The following RSPO3 variants were observed in gnomAD, a reference collection of about 807,000 sequenced individuals.
The protein encoded by RSPO3 is R-spondin-3.
A neutral mutation model predicts 36.5 loss-of-function variants in RSPO3; 17 were observed. The ratio of observed to expected loss-of-function variants is 0.47; its 90% CI spans 0.32 to 0.70. The LOEUF is 0.70. RSPO3 is among the 30% of genes least tolerant of loss of function. The probability of loss-of-function intolerance (pLI) is 0.04; values close to 1 mark genes in which losing one functional copy is unlikely to be tolerated. For missense variants in RSPO3, 294 were observed against 322.5 expected, an observed-to-expected ratio of 0.91 and a Z score of 0.68; for synonymous variants, 108 against 107.0, an observed-to-expected ratio of 1.01 and a Z score of -0.06.
chr6:127,191,893 T>C (rs1156844073), intron 4 of RSPO3, among the ~76,000 whole-genome samples: 1 of 152,192 alleles, frequency 6.6e-6, no homozygotes, highest in Admixed American at 6.5e-5. Context: ...CCCGTATATC[T>C]TTCCAGCTTC....
intron 4 of RSPO3, among the ~76,000 whole-genome samples, chr6:127,195,354 C>T (rs954055487): frequency 1.3e-5 from 2 of 152,028 alleles, no homozygotes; most frequent in Non-Finnish European, 2.9e-5. Flanking sequence ...TTTTTTATAG[C>T]GATAAGGTCT....
chr6:127,191,146 T>A (rs60017272), intron 4 of RSPO3, among the ~76,000 whole-genome samples: 1 of 152,174 alleles, frequency 6.6e-6, no homozygotes, highest in Non-Finnish European at 1.5e-5. Context: ...TATTCCAAAT[T>A]TATCTATTAA....
intron 4 of RSPO3, among the ~76,000 whole-genome samples, chr6:127,170,958 G>A (rs1774922858): frequency 6.6e-6 from 1 of 151,676 alleles, no homozygotes; most frequent in Non-Finnish European, 1.5e-5. Flanking sequence ...ATGGATGCTG[G>A]TGATGGCTAT....
At chr6:127,133,979 T>C (rs1040614442) in intron 1 of RSPO3, among the ~76,000 whole-genome samples, 4 of 152,150 alleles carry the variant, frequency 2.6e-5, no homozygotes, top group African/African-American at 9.7e-5. Flanking sequence ...GCACTTTAGA[T>C]ATCATTTCTA....
intron 4 of RSPO3, among the ~76,000 whole-genome samples, chr6:127,161,578 T>C (rs1774712237): frequency 6.6e-6 from 1 of 152,124 alleles, no homozygotes; most frequent in Non-Finnish European, 1.5e-5. Context: ...AATACTTAAT[T>C]GTTATTATCA....
chr6:127,154,971 A>C (rs1442608955), intron 3 of RSPO3, among the ~76,000 whole-genome samples: 1 of 152,204 alleles, frequency 6.6e-6, no homozygotes, highest in African/African-American at 2.4e-5. Context: ...TAGTGATTAT[A>C]TTAATGTTAG....
At chr6:127,163,834 T>A (rs1485112965) in intron 4 of RSPO3, among the ~76,000 whole-genome samples, 1 of 152,106 alleles carries the variant, frequency 6.6e-6, no homozygotes, top group East Asian at 1.9e-4. Flanking sequence ...AAATGACAGA[T>A]CTCAAATTAT....
At chr6:127,128,905 T>C (rs959538372) in intron 1 of RSPO3, among the ~76,000 whole-genome samples, 1 of 151,982 alleles carries the variant, frequency 6.6e-6, no homozygotes, top group East Asian at 1.9e-4. Flanking sequence ...CTGAGCTATA[T>C]TGTGTGGAGG....
intron 4 of RSPO3, among the ~76,000 whole-genome samples, chr6:127,174,208 T>C (rs1459825564): frequency 1.3e-5 from 2 of 151,854 alleles, no homozygotes; most frequent in Admixed American, 6.6e-5. Context: ...AATGGCAAAT[T>C]AGTCAGGAAC....
At chr6:127,129,029 G>T (rs1773998407) in intron 1 of RSPO3, among the ~76,000 whole-genome samples, 1 of 151,958 alleles carries the variant, frequency 6.6e-6, no homozygotes, top group Non-Finnish European at 1.5e-5. Flanking sequence ...CTGGTAATGT[G>T]CCCTAGAGTC....
At position 127,197,537 on chromosome 6, in the gene RSPO3, C is replaced by T; in HGVS notation, c.*1530C>T. On this transcript the variant is annotated 3_prime_UTR_variant, in exon 5 of 5. Coordinates refer to ENST00000356698, the MANE Select transcript of RSPO3 (RefSeq NM_032784.5). The stretch of plus-strand genomic sequence containing the variant: ...GTGCAGCACAGAATCGCATGACCCA[C>T]CTTAACCTTCCTGTTGTCATGGAAG... The T allele has an allele frequency of 1.3e-6, 2 of 1,549,922 alleles. No individual in the cohort carries two copies. Among genetic ancestry groups the T allele is most frequent in the South Asian group, 1.2e-5 (1 of 84,030 alleles).
At chr6:127,182,422 A>C (rs529981660) in intron 4 of RSPO3, among the ~76,000 whole-genome samples, 7 of 151,712 alleles carry the variant, frequency 4.6e-5, no homozygotes, top group Admixed American at 4.6e-4. Context: ...ACTTTTTTCT[A>C]TCTATTTCAT....
intron 4 of RSPO3, among the ~76,000 whole-genome samples, chr6:127,157,531 C>T (rs1479438114): frequency 1.3e-5 from 2 of 151,920 alleles, no homozygotes; most frequent in Non-Finnish European, 2.9e-5. Flanking sequence ...GAAATAGTAA[C>T]CTGTGACATA....
At chr6:127,192,667 C>T (rs534385867) in intron 4 of RSPO3, 42 of 985,196 alleles carry the variant, frequency 4.3e-5, no homozygotes, top group East Asian at 1.1e-4. Flanking sequence ...GGGAGATGAA[C>T]GCTGTTTTAA....
chr6:127,132,676 A>G (rs1315210767), intron 1 of RSPO3, among the ~76,000 whole-genome samples: 1 of 152,070 alleles, frequency 6.6e-6, no homozygotes, highest in African/African-American at 2.4e-5. Context: ...ATAACTGCTG[A>G]GCTCTAAGCC....
intron 3 of RSPO3, among the ~76,000 whole-genome samples, chr6:127,154,804 T>G (rs1387279304): frequency 2.0e-5 from 3 of 152,086 alleles, no homozygotes; most frequent in African/African-American, 7.2e-5. Flanking sequence ...GGTCCAGAAT[T>G]TTTTGTTTTA....
chr6:127,171,278 G>T (rs182762595), intron 4 of RSPO3, among the ~76,000 whole-genome samples: 98 of 151,790 alleles, frequency 6.5e-4, no homozygotes, highest in African/African-American at 2.2e-3. Flanking sequence ...TTGACTCTCA[G>T]AAGGAAAAAT....
chr6:127,150,186 T>TAC (rs1554220899), intron 2 of RSPO3, among the ~76,000 whole-genome samples: 121 of 149,542 alleles, frequency 8.1e-4, no homozygotes, highest in Admixed American at 1.6e-3. Context: ...TATATATATA[T>TAC]ACACACACAC....
At chr6:127,156,649 A>G (rs548308182) in intron 4 of RSPO3, among the ~76,000 whole-genome samples, 94 of 152,138 alleles carry the variant, frequency 6.2e-4, no homozygotes, top group African/African-American at 2.2e-3. Context: ...TTATATTCTT[A>G]CTTTATGGCT....
Sources: allele counts gnomAD v4.1 joint callset (sites outside exome capture counted in the v4.1 genomes callset), GRCh38; gene constraint gnomAD v4.1.1; transcripts MANE v1.5; gene names NCBI Gene and HGNC (gene_info 2026-07-23, HGNC 2026-07-21).